Variants in ZNF892 observed in about 807,000 individuals in gnomAD.
The protein encoded by ZNF892 is zinc finger protein 570-like.
At chr2:95,251,461 T>C in the ZNF892 span, among the ~76,000 whole-genome samples, 12 of 152,230 alleles carry the variant, frequency 7.9e-5, no homozygotes, top group African/African-American at 2.9e-4. Context: ...GGCTTAACAT[T>C]AGTTAGCCTT....
At chr2:95,206,671 G>A in the ZNF892 span, among the ~76,000 whole-genome samples, 1 of 152,174 alleles carries the variant, frequency 6.6e-6, no homozygotes, top group South Asian at 2.1e-4. Flanking sequence ...TTTTCTCTTT[G>A]AGAAAAATCC....
chr2:95,249,228 TA>T, the ZNF892 span, among the ~76,000 whole-genome samples: 252 of 63,732 alleles, frequency 4.0e-3, 2 homozygotes, highest in East Asian at 6.1e-3. Flanking sequence ...TATATATATA[TA>T]TATTTTTTTT....
chr2:95,226,847 A>G, the ZNF892 span, among the ~76,000 whole-genome samples: 1 of 152,074 alleles, frequency 6.6e-6, no homozygotes, highest in African/African-American at 2.4e-5. Flanking sequence ...GTCTCAATCC[A>G]CTGTGGTGTC....
chr2:95,212,429 A>T, the ZNF892 span: 1 of 396,124 alleles, frequency 2.5e-6, no homozygotes. Flanking sequence ...GTGGATGGTT[A>T]TCTGTTTATA....
At chr2:95,250,545 T>A in the ZNF892 span, among the ~76,000 whole-genome samples, 114,521 of 143,808 alleles carry the variant, frequency 0.8, 46,092 homozygotes, top group African/African-American at 0.87. Context: ...ATTTATAAAT[T>A]TAAAATAGTC....
chr2:95,207,868 C>G, the ZNF892 span: 8 of 398,536 alleles, frequency 2.0e-5, no homozygotes, highest in Non-Finnish European at 3.1e-5. Context: ...CCTTGGTGCC[C>G]GCTGCAGAGG....
the ZNF892 span, among the ~76,000 whole-genome samples, chr2:95,246,097 A>G: frequency 6.6e-6 from 1 of 152,242 alleles, no homozygotes; most frequent in East Asian, 1.9e-4. Context: ...CTTGATGATC[A>G]TTGATGCAAA....
chr2:95,232,138 T>C, the ZNF892 span: 1 of 152,196 alleles, frequency 6.6e-6, no homozygotes, highest in South Asian at 2.1e-4. Context: ...TGCGGCATGA[T>C]TCCCTGTGGA....
the ZNF892 span, among the ~76,000 whole-genome samples, chr2:95,232,980 C>T: frequency 1.8e-4 from 27 of 152,148 alleles, no homozygotes; most frequent in African/African-American, 6.0e-4. Context: ...TGTTTAGCTC[C>T]CTAGTTAGTT....
chr2:95,242,096 C>T, the ZNF892 span, among the ~76,000 whole-genome samples: 1 of 152,184 alleles, frequency 6.6e-6, no homozygotes, highest in Non-Finnish European at 1.5e-5. Flanking sequence ...TCCAGGAGAA[C>T]TTCCCCAACC....
the ZNF892 span, among the ~76,000 whole-genome samples, chr2:95,260,854 C>T: frequency 6.6e-6 from 1 of 152,170 alleles, no homozygotes; most frequent in Non-Finnish European, 1.5e-5. Context: ...GGGTCAATCT[C>T]AGAGGTCAGC....
At chr2:95,219,115 C>T in the ZNF892 span, among the ~76,000 whole-genome samples, 1 of 152,082 alleles carries the variant, frequency 6.6e-6, no homozygotes, top group African/African-American at 2.4e-5. Flanking sequence ...TCTCCTGCCT[C>T]AGCCTCCCAA....
At chr2:95,230,642 G>A in the ZNF892 span, among the ~76,000 whole-genome samples, 2 of 152,162 alleles carry the variant, frequency 1.3e-5, no homozygotes, top group Non-Finnish European at 2.9e-5. Flanking sequence ...TGGCTCCTCC[G>A]TCGCCGCCTC....
At chr2:95,214,304 A>G in the ZNF892 span, 3 of 398,302 alleles carry the variant, frequency 7.5e-6, no homozygotes, top group Non-Finnish European at 1.3e-5. Context: ...AGTGTAGGAA[A>G]TGATACACAT....
At chr2:95,218,999 T>C in the ZNF892 span, among the ~76,000 whole-genome samples, 1 of 151,764 alleles carries the variant, frequency 6.6e-6, no homozygotes, top group African/African-American at 2.4e-5. Context: ...GAGCATTTTC[T>C]TTTTTTTGTT....
chr2:95,209,282 G>T, the ZNF892 span, among the ~76,000 whole-genome samples: 14 of 152,152 alleles, frequency 9.2e-5, no homozygotes, highest in African/African-American at 1.7e-4. Context: ...TTCAAATGAT[G>T]AGGGAGTTGG....
At chr2:95,251,300 C>G in the ZNF892 span, among the ~76,000 whole-genome samples, 2 of 152,138 alleles carry the variant, frequency 1.3e-5, no homozygotes. Flanking sequence ...GCCTTATTCA[C>G]TTTTTCCTTT....
the ZNF892 span, chr2:95,215,410 C>T: frequency 2.3e-6 from 1 of 440,320 alleles, no homozygotes; most frequent in Non-Finnish European, 4.1e-6. Flanking sequence ...CAGAGCTCAT[C>T]TCTTACAAAG....
chr2:95,247,544 A>C, the ZNF892 span, among the ~76,000 whole-genome samples: 875 of 152,336 alleles, frequency 5.7e-3, 10 homozygotes, highest in African/African-American at 0.02. Flanking sequence ...TGCATAGCAA[A>C]AGAGACCATC....
Sources: gnomAD v4.1 joint callset for allele counts (sites outside exome capture counted in the v4.1 genomes callset) on GRCh38, gnomAD v4.1.1 for gene constraint, MANE v1.5 for transcripts, NCBI Gene and HGNC (gene_info 2026-07-23, HGNC 2026-07-21) for gene names.